BAG4: variants seen among roughly 807,000 people sequenced by gnomAD.
BAG4 encodes the protein BAG family molecular chaperone regulator 4.
In BAG4, 28 loss-of-function variants were observed where a neutral mutation model predicts 52.1. The ratio of observed to expected loss-of-function variants is 0.54; its 90% confidence interval spans 0.40 to 0.74. The LOEUF is 0.74. BAG4 is among the 30% of genes least tolerant of loss of function. The probability of loss-of-function intolerance (pLI) is 0.00; values close to 1 mark genes in which losing one functional copy is unlikely to be tolerated. For synonymous variants in BAG4, 208 were observed against 217.0 expected (o/e 0.96, Z 0.37); for missense variants, 525 against 572.0 (o/e 0.92, Z 0.84).
chr8:38,194,764 G>C (rs1283738796), intron 2 of BAG4, among the ~76,000 whole-genome samples: 1 of 148,390 alleles, frequency 6.7e-6, no homozygotes, highest in Non-Finnish European at 1.5e-5. Context: ...CAAAATGGTT[G>C]TACTAACAAA....
At position 38,187,273 on chromosome 8, in the gene BAG4, GAAAC is replaced by G. The variant is rs577461601; in HGVS notation, c.271-5411_271-5408del. On this transcript the variant is annotated intron_variant, in intron 1 of 4. Coordinates refer to ENST00000287322, the MANE Select transcript of BAG4 (RefSeq NM_004874.4). Reference sequence around the variant, plus strand: ...GAGATAGCAATTATATATTAAAAAAGAAACAAATAGAAATTCTGGAGTTGAAAAG... The same window carrying G: ...GAGATAGCAATTATATATTAAAAAAGAAATAGAAATTCTGGAGTTGAAAAG... Among the ~76,000 whole-genome samples, 277 of 152,112 alleles carry G rather than the reference GAAAC, an allele frequency of 1.8e-3. 2 individuals carry two copies. Among genetic ancestry groups the G allele is most frequent in the African/African-American group, 6.3e-3 (260 of 41,558 alleles).
At chr8:38,208,990 T>C (rs777203028) in intron 3 of BAG4, 23 bp from the exon 4 acceptor site, 23 of 1,599,256 alleles carry the variant, frequency 1.4e-5, no homozygotes, top group East Asian at 1.3e-4. Context: ...CAATGACTGG[T>C]ATATTTCTTC....
chr8:38,204,572 A>ACC (rs1563284871), intron 2 of BAG4, among the ~76,000 whole-genome samples: 1 of 152,020 alleles, frequency 6.6e-6, no homozygotes, highest in African/African-American at 2.4e-5. Flanking sequence ...TGCCAGGATC[A>ACC]CTTCAGCCTA....
At chr8:38,204,760 A>G (rs928062190) in intron 2 of BAG4, among the ~76,000 whole-genome samples, 5 of 152,074 alleles carry the variant, frequency 3.3e-5, no homozygotes, top group Non-Finnish European at 5.9e-5. Flanking sequence ...GAACCCATCT[A>G]TTGGTTTCAA....
At chr8:38,205,650 G>A (rs1803758622) in intron 2 of BAG4, among the ~76,000 whole-genome samples, 1 of 152,124 alleles carries the variant, frequency 6.6e-6, no homozygotes, top group Admixed American at 6.6e-5. Context: ...CAGCCTCTTA[G>A]TAGTTTTAAC....
intron 1 of BAG4, among the ~76,000 whole-genome samples, chr8:38,181,456 G>T (rs1371750112): frequency 6.6e-6 from 1 of 151,958 alleles, no homozygotes; most frequent in Non-Finnish European, 1.5e-5. Context: ...AAAACTTTAG[G>T]CTGGGTGCGG....
chr8:38,194,723 C>T (rs1473450314), intron 2 of BAG4, among the ~76,000 whole-genome samples: 1 of 150,082 alleles, frequency 6.7e-6, no homozygotes, highest in African/African-American at 2.4e-5. Flanking sequence ...CAGGTGTGTA[C>T]ATTTTTATTA....
intron 1 of BAG4, among the ~76,000 whole-genome samples, chr8:38,185,995 A>G (rs533827574): frequency 5.2e-4 from 79 of 152,198 alleles, no homozygotes; most frequent in Non-Finnish European, 8.4e-4. Context: ...TAGAGGGTGT[A>G]GCCAAGAACA....
At position 38,209,259 on chromosome 8, in the gene BAG4, C is replaced by T; in HGVS notation, c.880C>T (p.Gln294Ter). ...GTCACCCCCTTCACCCCCAGTCCAG[C>T]AGCCCAAGGTAGGAGACCTAAATGT... ...PQSPPSPPVQQPKDSSYPYSQ... is the reference protein window; with the variant it reads ...PQSPPSPPVQ The change falls in exon 4 of 5, where the codon CAG becomes TAG. Residue 294 changes from glutamine to a stop codon, truncating the protein, a stop_gained. Transcript: ENST00000287322. LOFTEE classifies it high-confidence loss of function. 5 of 1,614,172 alleles carry T rather than the reference C, an allele frequency of 3.1e-6. No individual in the cohort carries two copies. Among genetic ancestry groups the T allele is most frequent in the Non-Finnish European group, 4.2e-6 (5 of 1,180,034 alleles).
intron 1 of BAG4, 43 bp downstream of exon 1, chr8:38,177,182 T>C: frequency 6.2e-7 from 1 of 1,600,912 alleles, no homozygotes; most frequent in Non-Finnish European, 8.5e-7. Context: ...GTGAGGGCCC[T>C]TGGGGCTGGG....
chr8:38,177,502 C>T (rs982156098), intron 1 of BAG4, among the ~76,000 whole-genome samples: 1 of 152,218 alleles, frequency 6.6e-6, no homozygotes, highest in Non-Finnish European at 1.5e-5. Context: ...CAGGCCGGCT[C>T]TCCCGGGGAA....
chr8:38,187,866 C>CAAAAAA, intron 1 of BAG4, among the ~76,000 whole-genome samples: 1 of 56,110 alleles, frequency 1.8e-5, no homozygotes. Flanking sequence ...ACTAAAAATA[C>CAAAAAA]AAAAAAAAAA....
At position 38,176,860 on chromosome 8, in the gene BAG4, A is replaced by T; in HGVS notation, c.-10A>T. 1.3e-6 allele frequency: 2 copies of T among 1,496,270 alleles called. No individual in the cohort carries two copies. Among genetic ancestry groups the T allele is most frequent in the South Asian group, 2.6e-5 (2 of 77,124 alleles). The allele number at this position is 1,496,270 out of a possible 1,614,324, so 92.7% of individuals were successfully genotyped here. On this transcript the variant is annotated 5_prime_UTR_variant, in exon 1 of 5. Coordinates refer to ENST00000287322, the MANE Select transcript of BAG4 (RefSeq NM_004874.4). ...AGCGGGGCGGGAAGCGCTTCAGGGC[A>T]GCGGATCCCATGTCGGCCCTGAGGC...
At chr8:38,180,651 A>C (rs999004697) in intron 1 of BAG4, among the ~76,000 whole-genome samples, 7 of 152,100 alleles carry the variant, frequency 4.6e-5, no homozygotes, top group Admixed American at 4.6e-4. Context: ...TCAAATTAAA[A>C]AAACAAACAG....
chr8:38,207,417 C>T (rs1803788533), intron 2 of BAG4, 95 bp from the exon 3 acceptor site: 9 of 1,375,400 alleles, frequency 6.5e-6, no homozygotes, highest in Non-Finnish European at 8.0e-6. Context: ...TAGTGATTAA[C>T]ATCTTCTCAA....
intron 2 of BAG4, among the ~76,000 whole-genome samples, chr8:38,193,841 T>C (rs1481333864): frequency 6.6e-5 from 10 of 151,576 alleles, no homozygotes; most frequent in African/African-American, 2.4e-4. Context: ...TGGGTTCAAG[T>C]GATTCTCCTG....
intron 3 of BAG4, among the ~76,000 whole-genome samples, 187 bp downstream of exon 3, chr8:38,207,953 T>C: frequency 8.2e-6 from 1 of 122,196 alleles, no homozygotes; most frequent in African/African-American, 3.1e-5. Context: ...AAGGTCATAA[T>C]CATAAATTTT....
intron 3 of BAG4, among the ~76,000 whole-genome samples, chr8:38,208,436 A>T (rs969144304): frequency 6.7e-6 from 1 of 148,520 alleles, no homozygotes; most frequent in Non-Finnish European, 1.5e-5. Context: ...CAGCCTCCCG[A>T]GTAGCTGGGA....
At position 38,210,215 on chromosome 8, in the gene BAG4, C is replaced by T; in HGVS notation, c.1096C>T (p.Pro366Ser). 2 of 1,614,040 alleles carry T rather than the reference C, an allele frequency of 1.2e-6. No homozygotes were observed. Among genetic ancestry groups the T allele is most frequent in the Non-Finnish European group, 1.7e-6 (2 of 1,180,024 alleles). Reference sequence around the variant, plus strand: ...CAATCAAGATCAAAGTAGCAGTCTTCCTGAAGAATGTGTACCTTCAGATGA... The same window carrying T: ...CAATCAAGATCAAAGTAGCAGTCTTTCTGAAGAATGTGTACCTTCAGATGA... ...PNNQDQSSSL[P>S]EECVPSDEST... is the part of the protein sequence containing the mutation. Residue 366 changes from proline (P) to serine (S), a missense_variant, in exon 5 of 5, where the codon CCT (proline) becomes TCT (serine). By Grantham distance (74) the Pro-to-Ser change is moderately conservative. This residue lies in a region of BAG4 where 238 missense variants were observed against 305.8 expected (regional missense o/e 0.78). Transcript: ENST00000287322.
Sources: allele counts gnomAD v4.1 joint callset (sites outside exome capture counted in the v4.1 genomes callset), GRCh38; gene constraint gnomAD v4.1.1; regional missense constraint gnomAD v4.1.1; transcripts MANE v1.5; gene names NCBI Gene and HGNC (gene_info 2026-07-23, HGNC 2026-07-21).